The following ARHGAP44 variants were observed in gnomAD, a reference collection of about 807,000 sequenced individuals.
The protein encoded by ARHGAP44 is rho GTPase-activating protein 44.
A neutral mutation model predicts 106.8 loss-of-function variants in ARHGAP44; 43 were observed. The observed-to-expected ratio is 0.40, with a 90% confidence interval of 0.32 to 0.52. The LOEUF is 0.52. Ranked by LOEUF, ARHGAP44 falls within the 20% of genes least tolerant of loss-of-function variation. ARHGAP44 has a pLI of 0.48. For missense variants in ARHGAP44, 866 were observed against 1,050.5 expected (o/e 0.82, Z 2.43); for synonymous variants, 439 against 410.3 (o/e 1.07, Z -0.85).
In ARHGAP44 at chr17:12,902,089, C is replaced by T. The variant is rs114002885; in HGVS notation, c.198+5578C>T. On this transcript the variant is annotated intron_variant, in intron 3 of 20. Transcript: ENST00000379672. ...GAAATCCAGTAACTCACTCTCCTGC[C>T]TAATCCTGCTCCGGGATTCCCTTTG... Among the ~76,000 whole-genome samples, 602 of 152,308 alleles carry T rather than the reference C, an allele frequency of 4.0e-3. 5 individuals carry two copies. The highest frequency in any genetic ancestry group is 0.014 in the African/African-American group (571 of 41,562).
rs145850861 is a variant in ARHGAP44, at chr17:12,954,623, C to T, written c.1137-1244C>T. Among the ~76,000 whole-genome samples the T allele has an allele frequency of 9.3e-4, 142 of 152,112 alleles. 1 individual carries two copies. The highest frequency in any genetic ancestry group is 3.1e-3 in the African/African-American group (129 of 41,510). On this transcript the variant is annotated intron_variant, in intron 13 of 20. Transcript: ENST00000379672. ...GCTCACGAAGGTGAGCAGAAAATCC[C>T]GAATGAGTCGCTTCACTATGATCCA...
intron 1 of ARHGAP44, among the ~76,000 whole-genome samples, chr17:12,891,918 C>A (rs2037059980): frequency 6.6e-6 from 1 of 151,904 alleles, no homozygotes; most frequent in East Asian, 1.9e-4. Context: ...GCCTCAGCCT[C>A]CTCAGTAGCT....
At chr17:12,794,966 C>T (rs189277455) in intron 1 of ARHGAP44, among the ~76,000 whole-genome samples, 64 of 152,130 alleles carry the variant, frequency 4.2e-4, no homozygotes, top group African/African-American at 1.4e-3. Flanking sequence ...AGTAGGCCTT[C>T]TAAGAGCCGT....
intron 1 of ARHGAP44, among the ~76,000 whole-genome samples, chr17:12,894,119 A>G (rs1198624795): frequency 1.3e-5 from 2 of 152,128 alleles, no homozygotes; most frequent in East Asian, 1.9e-4. Flanking sequence ...GATCATTGCA[A>G]TAGTCGAAAT....
chr17:12,830,223 C>G lies in ARHGAP44; in HGVS notation c.53+40332C>G, dbSNP rs573201742. 3.3e-5 allele frequency among the ~76,000 whole-genome samples: 5 copies of G among 152,244 alleles called. No individual in the cohort carries two copies. In the South Asian group the frequency reaches 1.0e-3, roughly 32 times the overall value. On this transcript the variant is annotated intron_variant, in intron 1 of 20. Transcript: ENST00000379672. Reference sequence around the variant, plus strand: ...CCTATGATTGCTAAATTATCTTAAGCCAAAGAACTCATTTTTTTCTTTTAA... The same window carrying G: ...CCTATGATTGCTAAATTATCTTAAGGCAAAGAACTCATTTTTTTCTTTTAA...
rs75009518 is a variant in ARHGAP44 at position 12,920,854 on chromosome 17, C to A, written c.464+1023C>A. Among the ~76,000 whole-genome samples, 540 of 152,252 alleles carry A rather than the reference C, an allele frequency of 3.5e-3. 16 individuals carry two copies. In the East Asian group the frequency reaches 0.065, roughly 18 times the overall value. ...TCTTCCAGAGTCCACCAGAAAATTC[C>A]TGTAGTAGCAGGCGGGTGCCAAAGG... On this transcript the variant is annotated intron_variant, in intron 6 of 20. Coordinates refer to ENST00000379672, the MANE Select transcript of ARHGAP44 (RefSeq NM_014859.6).
At position 12,886,876 on chromosome 17, in the gene ARHGAP44, A is replaced by G. The variant is rs1239500812; in HGVS notation, c.54-8064A>G. ...TGCCTTGATTCCTGTTTTGGAGGAA[A>G]GCATGTAGTCTTTCAAAAGTATAGA... On this transcript the variant is annotated intron_variant, in intron 1 of 20. Coordinates refer to ENST00000379672, the MANE Select transcript of ARHGAP44 (RefSeq NM_014859.6). Among the ~76,000 whole-genome samples, 7 of 152,028 alleles carry G rather than the reference A, an allele frequency of 4.6e-5. 1 individual carries two copies. The highest frequency in any genetic ancestry group is 4.6e-4 in the Admixed American group (7 of 15,266).
chr17:12,887,807 A>G (rs557699487), intron 1 of ARHGAP44, among the ~76,000 whole-genome samples: 1 of 151,836 alleles, frequency 6.6e-6, no homozygotes, highest in East Asian at 1.9e-4. Flanking sequence ...TCAAATTTTT[A>G]TAGCTATAGA....
intron 7 of ARHGAP44, 157 bp downstream of exon 7, chr17:12,929,203 G>A: frequency 3.3e-6 from 2 of 606,868 alleles, no homozygotes; most frequent in Non-Finnish European, 5.7e-6. Context: ...AGGAGTCCAG[G>A]ATGAACCCAA....
intron 13 of ARHGAP44, among the ~76,000 whole-genome samples, chr17:12,954,966 C>T (rs1179374312): frequency 6.6e-6 from 1 of 152,100 alleles, no homozygotes; most frequent in African/African-American, 2.4e-5. Flanking sequence ...CATTTTAGAA[C>T]ATTTCCCTTA....
At chr17:12,933,403 G>A (rs2038455953) in intron 7 of ARHGAP44, among the ~76,000 whole-genome samples, 1 of 152,200 alleles carries the variant, frequency 6.6e-6, no homozygotes, top group African/African-American at 2.4e-5. Context: ...AAGTCAAGAT[G>A]TGTTCCATAA....
chr17:12,924,266 T>G lies in ARHGAP44; in HGVS notation c.464+4435T>G, dbSNP rs2038170717. On this transcript the variant is annotated intron_variant, in intron 6 of 20. Transcript: ENST00000379672. Reference sequence around the variant, plus strand: ...ATGTGTATGTTTGTCACTATTGAAGTAAATCTGGCTTGTCTGCTTCAAAAG... The same window carrying G: ...ATGTGTATGTTTGTCACTATTGAAGGAAATCTGGCTTGTCTGCTTCAAAAG... Among the ~76,000 whole-genome samples the G allele has an allele frequency of 2.0e-5, 3 of 152,246 alleles. No homozygotes were observed. In the South Asian group the frequency reaches 6.2e-4, roughly 32 times the overall value.
chr17:12,847,756 C>T (rs1170878850), intron 1 of ARHGAP44, among the ~76,000 whole-genome samples: 5 of 152,064 alleles, frequency 3.3e-5, no homozygotes, highest in African/African-American at 4.8e-5. Flanking sequence ...CCGCCCGCCT[C>T]GGCCTCCCAA....
chr17:12,984,904 T>C lies in ARHGAP44; in HGVS notation c.2313T>C (p.Ser771=), dbSNP rs1319479128. 1.3e-6 allele frequency: 2 copies of C among 1,598,548 alleles called. No homozygotes were observed. Among genetic ancestry groups the C allele is most frequent in the East Asian group, 4.5e-5 (2 of 44,546 alleles). Residue 771 remains serine (S), a synonymous_variant, in exon 20 of 21, where the codon TCT becomes TCC. Coordinates refer to ENST00000379672, the MANE Select transcript of ARHGAP44 (RefSeq NM_014859.6). ...LDGMSPGESM[S]TDLVHFDIPS... ...GCATGTCCCCTGGGGAAAGCATGTC[T>C]ACAGGTAACCAAGCCACAGGCTCCC...
intron 1 of ARHGAP44, among the ~76,000 whole-genome samples, chr17:12,802,512 A>G (rs1422991608): frequency 6.6e-6 from 1 of 152,112 alleles, no homozygotes; most frequent in African/African-American, 2.4e-5. Flanking sequence ...ACAGGGGGAG[A>G]ATAGGAATTC....
At chr17:12,864,217 T>C (rs569913239) in intron 1 of ARHGAP44, among the ~76,000 whole-genome samples, 64 of 152,328 alleles carry the variant, frequency 4.2e-4, no homozygotes, top group African/African-American at 1.5e-3. Context: ...TGAATGAGGC[T>C]GGGATTTCAT....
intron 3 of ARHGAP44, among the ~76,000 whole-genome samples, chr17:12,901,249 A>C (rs1406013343): frequency 6.6e-6 from 1 of 152,048 alleles, no homozygotes; most frequent in Non-Finnish European, 1.5e-5. Flanking sequence ...GAGAAACATA[A>C]AGGTGGCCAG....
intron 13 of ARHGAP44, among the ~76,000 whole-genome samples, chr17:12,953,884 T>C (rs2039059750): frequency 6.6e-6 from 1 of 151,972 alleles, no homozygotes; most frequent in African/African-American, 2.4e-5. Flanking sequence ...TTATTGTTTT[T>C]TGTTTTGTTT....
At chr17:12,812,081 G>A (rs935154893) in intron 1 of ARHGAP44, among the ~76,000 whole-genome samples, 1 of 152,112 alleles carries the variant, frequency 6.6e-6, no homozygotes, top group African/African-American at 2.4e-5. Context: ...ATTTTTTTCT[G>A]CCTGCTTTGT....
Sources: allele counts gnomAD v4.1 joint callset (sites outside exome capture counted in the v4.1 genomes callset), GRCh38; gene constraint gnomAD v4.1.1; transcripts MANE v1.5; gene names NCBI Gene and HGNC (gene_info 2026-07-23, HGNC 2026-07-21).